ADAR: variants seen among roughly 807,000 people sequenced by gnomAD.
ADAR encodes the protein adenosine deaminase RNA specific, also known as double-stranded RNA-specific adenosine deaminase.
In ADAR, 41 loss-of-function variants were observed where a neutral mutation model predicts 113.2. The observed-to-expected ratio is 0.36, with a 90% CI of 0.28 to 0.47. The LOEUF is 0.47. ADAR is among the 20% of genes least tolerant of loss of function. The pLI is 1.00. For synonymous variants in ADAR, 605 were observed against 572.6 expected (o/e 1.06, Z -0.81); for missense variants, 1,242 against 1,540.9 (o/e 0.81, Z 3.25).
At chr1:154,586,489 C>G (rs2101567797) in intron 11 of ADAR, 126 bp from the exon 12 acceptor site, 1 of 992,040 alleles carries the variant, frequency 1.0e-6, no homozygotes, top group Non-Finnish European at 1.5e-6. Flanking sequence ...ATTTCACAGC[C>G]CCTGCTATGC....
intron 13 of ADAR, 78 bp from the exon 14 acceptor site, chr1:154,585,422 T>G: frequency 1.2e-6 from 2 of 1,602,260 alleles, no homozygotes; most frequent in Non-Finnish European, 1.7e-6. Flanking sequence ...TCAAGACTCA[T>G]AGGAGAGAGG....
At position 154,598,447 on chromosome 1, in the gene ADAR, T is replaced by G; in HGVS notation, c.1740A>C (p.Lys580Asn). The G allele has an allele frequency of 6.2e-7, 1 of 1,614,210 alleles. No individual in the cohort carries two copies. Among genetic ancestry groups the G allele is most frequent in the Non-Finnish European group, 8.5e-7 (1 of 1,180,030 alleles). Residue 580 changes from lysine (K) to asparagine (N), a missense_variant, in exon 3 of 15, where the codon AAA becomes AAC. Physicochemically the swap from Lys to Asn is moderately conservative, Grantham distance 94. Coordinates refer to ENST00000368474, the MANE Select transcript of ADAR (RefSeq NM_001111.5). ...LEEAKAKDSG[K>N]SEESSHYSTE... ...TGGAATAGTGGGATGATTCTTCTGA[T>G]TTTCCACTGTCCTTGGCTTTGGCTT...
At chr1:154,592,188 T>C (rs1320744961) in intron 6 of ADAR, among the ~76,000 whole-genome samples, 1 of 152,126 alleles carries the variant, frequency 6.6e-6, no homozygotes, top group African/African-American at 2.4e-5. Context: ...CACCACAGGA[T>C]TTAACAGTGT....
chr1:154,604,808 GC>G (rs1451082027), intron 1 of ADAR, among the ~76,000 whole-genome samples: 2 of 151,918 alleles, frequency 1.3e-5, no homozygotes, highest in African/African-American at 2.4e-5. Context: ...TTTAATCACT[GC>G]CCCAACCTAA....
intron 1 of ADAR, among the ~76,000 whole-genome samples, chr1:154,613,432 G>A (rs1477872082): frequency 2.6e-5 from 4 of 151,648 alleles, no homozygotes; most frequent in African/African-American, 4.8e-5. Context: ...CTACAGGCAC[G>A]CGCTATCATG....
Position 154,585,365 on chromosome 1 carries a change from G to A in ADAR, c.3316-21C>T, listed in dbSNP as rs183396506. 173 of 1,613,952 alleles carry A rather than the reference G, an allele frequency of 1.1e-4. 1 individual carries two copies. The highest frequency in any genetic ancestry group is 9.9e-4 in the Middle Eastern group (6 of 6,060). ...CCAACCTAGGAATCCCAGAAGCAAC[G>A]GGAGAAAGATGGAAACCTTTCAGGA... On this transcript the variant is annotated intron_variant, in intron 13 of 14. Transcript: ENST00000368474.
upstream of ADAR, among the ~76,000 whole-genome samples, chr1:154,610,824 G>GAAAAAAAA (rs1298389364): frequency 1.2e-4 from 8 of 65,202 alleles, 1 homozygote; most frequent in African/African-American, 1.3e-4. Flanking sequence ...AAAAAAAAAA[G>GAAAAAAAA]AAAAAAAAAA....
intron 6 of ADAR, among the ~76,000 whole-genome samples, chr1:154,596,082 T>C (rs1697474783): frequency 6.6e-6 from 1 of 152,208 alleles, no homozygotes; most frequent in African/African-American, 2.4e-5. Flanking sequence ...TCTAGGTTTA[T>C]GTAAATACAC....
intron 1 of ADAR, among the ~76,000 whole-genome samples, chr1:154,614,066 TATATA>T (rs1407202783): frequency 6.6e-6 from 1 of 152,136 alleles, no homozygotes; most frequent in Non-Finnish European, 1.5e-5. Flanking sequence ...GCTTAAGTAT[TATATA>T]ATAAAGATAT....
chr1:154,606,468 AAG>A (rs1337646372), intron 1 of ADAR, among the ~76,000 whole-genome samples: 1 of 152,232 alleles, frequency 6.6e-6, no homozygotes, highest in Non-Finnish European at 1.5e-5. Context: ...CCTAAACAAA[AAG>A]AGAAAATCCA....
chr1:154,589,266 G>A (rs1388861631), intron 9 of ADAR, 103 bp downstream of exon 9: 6 of 904,498 alleles, frequency 6.6e-6, no homozygotes, highest in South Asian at 1.3e-5. Context: ...ATCATGACCC[G>A]TCTGTCTGAG....
upstream of ADAR, among the ~76,000 whole-genome samples, chr1:154,608,389 C>A (rs943995075): frequency 1.1e-4 from 16 of 149,222 alleles, no homozygotes; most frequent in African/African-American, 3.5e-4. Flanking sequence ...AGTGCAATGG[C>A]GCAATCTCGG....
At chr1:154,588,843 T>G (rs1319195940) in intron 9 of ADAR, among the ~76,000 whole-genome samples, 170 bp from the exon 10 acceptor site, 1 of 152,250 alleles carries the variant, frequency 6.6e-6, no homozygotes, top group Admixed American at 6.5e-5. Context: ...TCATAAAGCA[T>G]AGTTAGCCTT....
At chr1:154,614,807 G>A (rs1285800273) in intron 1 of ADAR, among the ~76,000 whole-genome samples, 9 of 152,222 alleles carry the variant, frequency 5.9e-5, no homozygotes, top group Non-Finnish European at 1.2e-4. Flanking sequence ...AACTGAGGAG[G>A]CAAAGGGGTA....
At chr1:154,611,736 G>GAA (rs1394201423), upstream of ADAR, among the ~76,000 whole-genome samples, 1 of 152,164 alleles carries the variant, frequency 6.6e-6, no homozygotes, top group Non-Finnish European at 1.5e-5. Flanking sequence ...CACCTCCCCA[G>GAA]GGGCCTGTGA....
At chr1:154,599,997 C>A (rs1697757968) in intron 2 of ADAR, among the ~76,000 whole-genome samples, 1 of 152,142 alleles carries the variant, frequency 6.6e-6, no homozygotes, top group African/African-American at 2.4e-5. Context: ...CACAACCCAC[C>A]CCCACTGTGT....
intron 1 of ADAR, among the ~76,000 whole-genome samples, chr1:154,618,103 A>G (rs528347992): frequency 1.2e-3 from 177 of 150,754 alleles, no homozygotes; most frequent in African/African-American, 3.9e-3. Context: ...ATAGTAATAT[A>G]TAAGTATACC....
At chr1:154,585,574 A>C in intron 13 of ADAR, 179 bp downstream of exon 13, 2 of 872,960 alleles carry the variant, frequency 2.3e-6, no homozygotes, top group Non-Finnish European at 3.6e-6. Context: ...AAAAGGAAGA[A>C]AGTTTAAGTT....
chr1:154,587,103 A>G (rs1351220238), intron 11 of ADAR, among the ~76,000 whole-genome samples: 14 of 152,190 alleles, frequency 9.2e-5, no homozygotes, highest in Admixed American at 9.2e-4. Flanking sequence ...CATCGCTCCA[A>G]AAAGAAACCT....
Sources: allele counts gnomAD v4.1 joint callset (sites outside exome capture counted in the v4.1 genomes callset), GRCh38; gene constraint gnomAD v4.1.1; transcripts MANE v1.5; gene names NCBI Gene and HGNC (gene_info 2026-07-23, HGNC 2026-07-21).